OPCML: variants seen among roughly 807,000 people sequenced by gnomAD.
OPCML encodes opioid-binding protein/cell adhesion molecule.
In OPCML, 13 loss-of-function variants were observed where a neutral mutation model predicts 37.8. The observed-to-expected ratio is 0.34, with a 90% CI of 0.22 to 0.55. OPCML has a LOEUF of 0.55. Among genes scored for constraint, OPCML ranks in the 20% least tolerant of loss-of-function variants. The probability of loss-of-function intolerance (pLI) is 0.91; values close to 1 mark genes in which losing one functional copy is unlikely to be tolerated. For synonymous variants in OPCML, 176 were observed against 168.8 expected, an observed-to-expected ratio of 1.04 and a Z score of -0.33; for missense variants, 341 against 435.6, an observed-to-expected ratio of 0.78 and a Z score of 1.93.
intron 4 of OPCML, among the ~76,000 whole-genome samples, chr11:132,465,375 C>T (rs1592215241): frequency 6.6e-6 from 1 of 152,146 alleles, no homozygotes; most frequent in African/African-American, 2.4e-5. Context: ...TGTTATTTAT[C>T]TCCTTGAATT....
intron 1 of OPCML, among the ~76,000 whole-genome samples, chr11:133,160,040 A>C (rs777461540): frequency 2.0e-4 from 30 of 152,326 alleles, no homozygotes; most frequent in South Asian, 4.1e-4. Flanking sequence ...TTAATCACAT[A>C]ATGTCTTTTA....
chr11:133,005,991 C>T (rs1368059427), intron 1 of OPCML: 2 of 985,288 alleles, frequency 2.0e-6, no homozygotes, highest in Non-Finnish European at 1.2e-6. Flanking sequence ...TGTCTCTTTT[C>T]CTTGCCCTTC....
At chr11:132,719,910 G>T (rs1944621126) in intron 2 of OPCML, among the ~76,000 whole-genome samples, 1 of 152,272 alleles carries the variant, frequency 6.6e-6, no homozygotes, top group East Asian at 1.9e-4. Context: ...AAGGCTGTGG[G>T]TTAGCCCACA....
chr11:132,431,658 C>T (rs751072290), intron 7 of OPCML, among the ~76,000 whole-genome samples: 1 of 152,234 alleles, frequency 6.6e-6, no homozygotes, highest in Admixed American at 6.5e-5. Flanking sequence ...ACTCACCAAC[C>T]CATTGTCTCC....
intron 2 of OPCML, among the ~76,000 whole-genome samples, chr11:132,779,823 AAG>A (rs1482222011): frequency 6.6e-6 from 1 of 152,220 alleles, no homozygotes; most frequent in African/African-American, 2.4e-5. Context: ...ACTTTAGATT[AAG>A]ATTTGTTTAA....
intron 1 of OPCML, among the ~76,000 whole-genome samples, chr11:133,148,812 T>C (rs1949934284): frequency 6.6e-6 from 1 of 152,116 alleles, no homozygotes; most frequent in Non-Finnish European, 1.5e-5. Context: ...CACAGCATGT[T>C]TTCCACCCTG....
chr11:132,469,606 CATGTGTGT>C (rs1160060414), intron 4 of OPCML, among the ~76,000 whole-genome samples: 1 of 92,104 alleles, frequency 1.1e-5, no homozygotes, highest in Non-Finnish European at 2.0e-5. Context: ...TGTGTATAGG[CATGTGTGT>C]ATGTGTGTGG....
At chr11:133,448,171 T>C (rs1946509012) in intron 1 of OPCML, among the ~76,000 whole-genome samples, 1 of 152,248 alleles carries the variant, frequency 6.6e-6, no homozygotes, top group African/African-American at 2.4e-5. Context: ...TAGTTTTAAC[T>C]TGCATTTAAA....
In OPCML at chr11:133,527,937, C is replaced by T. The variant is rs549206315; in HGVS notation, c.61+4327G>A. ...TGACACAGATTTGAGGCTGTAACCA[C>T]CAGAGATAGTTCCCAGTAGCTGGCA... On this transcript the variant is annotated intron_variant, in intron 1 of 7. Coordinates refer to ENST00000524381, the MANE Select transcript of OPCML (RefSeq NM_001012393.5). 4.6e-5 allele frequency among the ~76,000 whole-genome samples: 7 copies of T among 152,312 alleles called. No individual in the cohort carries two copies. The East Asian group carries it at 1.4e-3, about 29-fold the overall frequency.
rs1565469116 is a variant in OPCML, at chr11:133,141,032, ACG to A, written c.62-198024_62-198023del. On this transcript the variant is annotated intron_variant, in intron 1 of 7. Coordinates refer to ENST00000524381, the MANE Select transcript of OPCML (RefSeq NM_001012393.5). ...GACGACGACGACGACGACGACGACG[ACG>A]ACGACGACGACGACGAAGAAGAAGA... 5.2e-4 allele frequency among the ~76,000 whole-genome samples: 14 copies of A among 26,672 alleles called. 4 individuals carry two copies. The highest frequency in any genetic ancestry group is 9.6e-4 in the African/African-American group (14 of 14,656). The allele number at this position is 26,672 out of a possible 152,430, so 17.5% of individuals were successfully genotyped here.
intron 1 of OPCML, among the ~76,000 whole-genome samples, chr11:133,215,217 TGAGAGAGA>T (rs139928448): frequency 6.6e-6 from 1 of 150,828 alleles, no homozygotes; most frequent in South Asian, 2.1e-4. Context: ...TGTGTGTGTG[TGAGAGAGA>T]GAGAGAGAGA....
chr11:133,245,239 G>T (rs1940878454), intron 1 of OPCML, among the ~76,000 whole-genome samples: 1 of 152,208 alleles, frequency 6.6e-6, no homozygotes, highest in African/African-American at 2.4e-5. Flanking sequence ...GTCGTTCAAA[G>T]ATAGGGATGC....
intron 1 of OPCML, among the ~76,000 whole-genome samples, chr11:133,157,052 C>T (rs59417405): frequency 0.011 from 1,695 of 152,092 alleles, 34 homozygotes; most frequent in African/African-American, 0.039. Flanking sequence ...TGCTGGGCTC[C>T]GGCTACATTT....
At chr11:132,778,924 G>A (rs578202260) in intron 2 of OPCML, among the ~76,000 whole-genome samples, 7 of 146,464 alleles carry the variant, frequency 4.8e-5, no homozygotes, top group South Asian at 4.3e-4. Flanking sequence ...TCTGATATAC[G>A]ATTAATAACA....
intron 2 of OPCML, among the ~76,000 whole-genome samples, chr11:132,778,259 A>T (rs1946875943): frequency 6.6e-6 from 1 of 152,182 alleles, no homozygotes; most frequent in Admixed American, 6.5e-5. Flanking sequence ...ACTCTACCAA[A>T]TTGGCCTTTC....
chr11:132,543,340 T>C (rs1017148006), intron 3 of OPCML, among the ~76,000 whole-genome samples: 4 of 152,074 alleles, frequency 2.6e-5, no homozygotes, highest in Non-Finnish European at 4.4e-5. Context: ...AGCAAGTCCC[T>C]GTCTCTTTAA....
intron 1 of OPCML, among the ~76,000 whole-genome samples, chr11:132,987,832 A>T (rs7102633): frequency 0.27 from 41,277 of 152,062 alleles, 6,459 homozygotes; most frequent in African/African-American, 0.43. Context: ...CACAAAACTG[A>T]TGTCAAGGAA....
At chr11:133,513,920 G>A (rs1378270703) in intron 1 of OPCML, among the ~76,000 whole-genome samples, 1 of 152,162 alleles carries the variant, frequency 6.6e-6, no homozygotes, top group Non-Finnish European at 1.5e-5. Context: ...CAGCAGCAAA[G>A]AAATCGAGCC....
At chr11:133,059,622 C>T (rs1948303319) in intron 1 of OPCML, among the ~76,000 whole-genome samples, 1 of 152,158 alleles carries the variant, frequency 6.6e-6, no homozygotes, top group Non-Finnish European at 1.5e-5. Flanking sequence ...ATCTTGAGTA[C>T]ACATTTTTAA....
Sources: gnomAD v4.1 joint callset for allele counts (sites outside exome capture counted in the v4.1 genomes callset) on GRCh38, gnomAD v4.1.1 for gene constraint, MANE v1.5 for transcripts, NCBI Gene and HGNC (gene_info 2026-07-23, HGNC 2026-07-21) for gene names.